DOCK1: variants seen among roughly 807,000 people sequenced by gnomAD.
DOCK1 encodes the protein dedicator of cytokinesis 1.
DOCK1 carries 138 observed loss-of-function variants against 262.7 expected under a neutral mutation model. The observed-to-expected ratio is 0.53, with a 90% CI of 0.46 to 0.61. The LOEUF (loss-of-function observed/expected upper bound fraction) is 0.61, where lower values mean the gene tolerates loss of function less well. DOCK1 is among the 20% of genes least tolerant of loss of function. The pLI is 0.00. For missense variants in DOCK1, 1,908 were observed against 2,370.7 expected (o/e 0.80, Z 4.05); for synonymous variants, 866 against 867.4 (o/e 1.00, Z 0.03).
At chr10:127,020,776 A>AGAGT (rs1167914303) in intron 13 of DOCK1, among the ~76,000 whole-genome samples, 1 of 152,004 alleles carries the variant, frequency 6.6e-6, no homozygotes, top group African/African-American at 2.4e-5. Flanking sequence ...AGAGAGAGAG[A>AGAGT]GAGTATGGGC....
At chr10:127,155,689 C>G (rs1411687787) in intron 27 of DOCK1, among the ~76,000 whole-genome samples, 2 of 152,192 alleles carry the variant, frequency 1.3e-5, no homozygotes, top group Non-Finnish European at 2.9e-5. Flanking sequence ...CCAGATTTGT[C>G]CACCCTATGG....
At chr10:127,092,185 G>A (rs1025689236) in intron 23 of DOCK1, among the ~76,000 whole-genome samples, 7 of 152,334 alleles carry the variant, frequency 4.6e-5, no homozygotes, top group African/African-American at 1.7e-4. Context: ...TGGCTGGACC[G>A]TAGACACAGG....
intron 23 of DOCK1, among the ~76,000 whole-genome samples, chr10:127,085,457 T>C (rs2047140151): frequency 6.6e-6 from 1 of 152,210 alleles, no homozygotes; most frequent in Admixed American, 6.5e-5. Context: ...CTCTGTCCTC[T>C]TATTTAAGAA....
intron 29 of DOCK1, among the ~76,000 whole-genome samples, chr10:127,277,907 G>A (rs749271428): frequency 1.8e-4 from 27 of 149,066 alleles, no homozygotes; most frequent in Non-Finnish European, 1.9e-4. Context: ...TTTAGAATTC[G>A]TTTTCATGTA....
At position 127,176,156 on chromosome 10, in the gene DOCK1, G is replaced by T; in HGVS notation, c.2847+48392G>T. 1 of 1,614,134 alleles carries T rather than the reference G, an allele frequency of 6.2e-7. No homozygotes were observed. The highest frequency in any genetic ancestry group is 8.5e-7 in the Non-Finnish European group (1 of 1,180,034). On this transcript the variant is annotated intron_variant, in intron 27 of 51. Transcript: ENST00000623213. The surrounding 1 kb of genome is among the most constrained non-coding windows in gnomAD (Gnocchi z 4.4). The stretch of plus-strand genomic sequence containing the variant: ...TCATGTATTTGCGGTAGGCTGCTCT[G>T]CAGGACACGGGCTTGGCCTCCCGCT...
intron 27 of DOCK1, among the ~76,000 whole-genome samples, chr10:127,153,492 G>A (rs2052712598): frequency 6.6e-6 from 1 of 152,160 alleles, no homozygotes; most frequent in East Asian, 1.9e-4. Flanking sequence ...CACATACGGT[G>A]TGCTTTCAAG....
chr10:127,016,941 CACAGACACACA>C (rs1051072753), intron 12 of DOCK1, among the ~76,000 whole-genome samples: 1 of 144,292 alleles, frequency 6.9e-6, no homozygotes, highest in African/African-American at 2.6e-5. Context: ...ACACACACAC[CACAGACACACA>C]GAGATATACC....
At chr10:127,187,449 C>T (rs143299836) in intron 27 of DOCK1, among the ~76,000 whole-genome samples, 2 of 152,110 alleles carry the variant, frequency 1.3e-5, no homozygotes, top group Admixed American at 1.3e-4. Context: ...CTCACATGAC[C>T]CCTGTATGCT....
At position 127,226,537 on chromosome 10, in the gene DOCK1, G is replaced by A. The variant is rs190445105; in HGVS notation, c.2848-21471G>A. Among the ~76,000 whole-genome samples, 261 of 152,214 alleles carry A rather than the reference G, an allele frequency of 1.7e-3. 1 individual carries two copies. The highest frequency in any genetic ancestry group is 5.2e-3 in the South Asian group (25 of 4,818). ...GTGGATGGATCGCTTGAGGTCAGGA[G>A]TTCGAGACCAGCCTGGCCAAAATGG... On this transcript the variant is annotated intron_variant, in intron 27 of 51. Coordinates refer to ENST00000623213, the MANE Select transcript of DOCK1 (RefSeq NM_001290223.2).
At chr10:127,206,815 A>G (rs896315278) in intron 27 of DOCK1, among the ~76,000 whole-genome samples, 1 of 152,248 alleles carries the variant, frequency 6.6e-6, no homozygotes, top group Admixed American at 6.5e-5. Flanking sequence ...GGAATAGTGC[A>G]GGATTCCTTC....
chr10:127,209,450 G>A (rs971618501), intron 27 of DOCK1, among the ~76,000 whole-genome samples: 1 of 152,160 alleles, frequency 6.6e-6, no homozygotes, highest in Admixed American at 6.5e-5. Context: ...ACTGGGTGGT[G>A]CCTGTGTGTC....
At chr10:126,945,049 A>C (rs2035289056) in intron 1 of DOCK1, among the ~76,000 whole-genome samples, 1 of 151,996 alleles carries the variant, frequency 6.6e-6, no homozygotes, top group Non-Finnish European at 1.5e-5. Flanking sequence ...ATGTCAGTCA[A>C]GCTGGTCTCC....
At chr10:127,448,122 T>C (rs973987093) in intron 51 of DOCK1, among the ~76,000 whole-genome samples, 1 of 152,146 alleles carries the variant, frequency 6.6e-6, no homozygotes, top group Non-Finnish European at 1.5e-5. Flanking sequence ...TCATCCTCAC[T>C]GTGCCCCCAC....
chr10:127,141,334 A>G (rs1234916744), intron 27 of DOCK1, among the ~76,000 whole-genome samples: 1 of 152,190 alleles, frequency 6.6e-6, no homozygotes, highest in Admixed American at 6.5e-5. Context: ...GTTTCCAGCA[A>G]CTATAGCAGG....
chr10:127,415,483 T>C (rs928797666), intron 44 of DOCK1, among the ~76,000 whole-genome samples: 5 of 152,246 alleles, frequency 3.3e-5, no homozygotes, highest in African/African-American at 1.2e-4. Context: ...AATGAAGATT[T>C]CATTTCTTCT....
At position 127,393,039 on chromosome 10, in the gene DOCK1, A is replaced by G. The variant is rs539252089; in HGVS notation, c.3927+8130A>G. On this transcript the variant is annotated intron_variant, in intron 38 of 51. Coordinates refer to ENST00000623213, the MANE Select transcript of DOCK1 (RefSeq NM_001290223.2). ...CATGCAGGGAGGGCCGTCAGCATCC[A>G]CAGAACTTACCGACCTGACTGAGAG... is the stretch of plus-strand genomic sequence containing the variant. Among the ~76,000 whole-genome samples the G allele has an allele frequency of 2.0e-5, 3 of 152,282 alleles. No homozygotes were observed. The South Asian group carries it at 6.2e-4, about 32-fold the overall frequency.
intron 32 of DOCK1, among the ~76,000 whole-genome samples, chr10:127,361,182 T>TGGCTCACTGC (rs2064410328): frequency 6.7e-6 from 1 of 149,284 alleles, no homozygotes; most frequent in Non-Finnish European, 1.5e-5. Context: ...GGCGTGATCT[T>TGGCTCACTGC]GGCTCACTGC....
chr10:127,215,159 C>T (rs2058150642), intron 27 of DOCK1, among the ~76,000 whole-genome samples: 1 of 152,182 alleles, frequency 6.6e-6, no homozygotes, highest in South Asian at 2.1e-4. Flanking sequence ...ACATCCCCAG[C>T]CACGTTCCAC....
chr10:127,307,488 C>G (rs956092659), intron 29 of DOCK1, among the ~76,000 whole-genome samples: 1 of 152,330 alleles, frequency 6.6e-6, no homozygotes, highest in African/African-American at 2.4e-5. Context: ...AGTGCCCAAT[C>G]AAGAAACAAA....
Sources: gnomAD v4.1 joint callset for allele counts (sites outside exome capture counted in the v4.1 genomes callset) on GRCh38, gnomAD v4.1.1 for gene constraint, Gnocchi (gnomAD v3.1) non-coding constraint, MANE v1.5 for transcripts, NCBI Gene and HGNC (gene_info 2026-07-23, HGNC 2026-07-21) for gene names.